The following B3GALT1 variants were observed in gnomAD, a reference collection of about 807,000 sequenced individuals.
B3GALT1 encodes the protein beta-1,3-galactosyltransferase 1, also known as UDP-Gal:betaGlcNAc beta 1,3-galactosyltransferase, polypeptide 1.
A neutral mutation model predicts 23.2 loss-of-function variants in B3GALT1; 10 were observed. That is an observed-to-expected ratio of 0.43 (90% confidence interval 0.27 to 0.73). The LOEUF (loss-of-function observed/expected upper bound fraction) is 0.73, where lower values mean the gene tolerates loss of function less well. Ranked by LOEUF, B3GALT1 falls within the 30% of genes least tolerant of loss-of-function variation. The pLI, the probability that B3GALT1 is intolerant of heterozygous loss-of-function variation, is 0.21. For synonymous variants in B3GALT1, 156 were observed against 141.5 expected (o/e 1.10, Z -0.73); for missense variants, 299 against 405.4 (o/e 0.74, Z 2.25).
At chr2:167,755,537 G>C (rs574354635) in intron 3 of B3GALT1, among the ~76,000 whole-genome samples, 6 of 149,638 alleles carry the variant, frequency 4.0e-5, no homozygotes, top group African/African-American at 7.3e-5. Flanking sequence ...ATATTTTGGA[G>C]GGAAAGGGAG....
intron 4 of B3GALT1, among the ~76,000 whole-genome samples, chr2:167,853,091 C>A (rs796868195): frequency 3.9e-5 from 6 of 152,266 alleles, no homozygotes; most frequent in African/African-American, 1.4e-4. Flanking sequence ...ACCTAAAATA[C>A]AATCAATTGT....
At chr2:167,561,642 GA>G (rs1558905807) in intron 2 of B3GALT1, among the ~76,000 whole-genome samples, 1 of 152,120 alleles carries the variant, frequency 6.6e-6, no homozygotes, top group Non-Finnish European at 1.5e-5. Flanking sequence ...CGATCCCACA[GA>G]AATAAAAACT....
chr2:167,482,394 G>T (rs542901756), intron 1 of B3GALT1, among the ~76,000 whole-genome samples: 1 of 152,286 alleles, frequency 6.6e-6, no homozygotes, highest in South Asian at 2.1e-4. Context: ...AGATGATCAT[G>T]AGATTAAAAT....
chr2:167,417,602 G>A (rs1362891649), intron 1 of B3GALT1, among the ~76,000 whole-genome samples: 1 of 152,210 alleles, frequency 6.6e-6, no homozygotes, highest in African/African-American at 2.4e-5. Context: ...TTCTTAAGAA[G>A]TAGTTAAAGG....
chr2:167,339,234 T>C, intron 1 of B3GALT1, among the ~76,000 whole-genome samples: 1 of 152,100 alleles, frequency 6.6e-6, no homozygotes, highest in East Asian at 1.9e-4. Context: ...ATAACAAAAA[T>C]TGTATATATC....
chr2:167,525,844 G>T (rs1467789978), intron 2 of B3GALT1, among the ~76,000 whole-genome samples: 1 of 151,288 alleles, frequency 6.6e-6, no homozygotes, highest in Non-Finnish European at 1.5e-5. Context: ...AAACTCCTCA[G>T]CTTAAGTCTT....
intron 3 of B3GALT1, among the ~76,000 whole-genome samples, chr2:167,730,256 G>GT (rs1687388618): frequency 1.3e-5 from 2 of 151,882 alleles, no homozygotes; most frequent in Non-Finnish European, 2.9e-5. Flanking sequence ...TTTTTTCAAG[G>GT]TTGAATGGCA....
chr2:167,821,053 C>T (rs1411600599), intron 4 of B3GALT1, among the ~76,000 whole-genome samples: 2 of 152,154 alleles, frequency 1.3e-5, no homozygotes, highest in Non-Finnish European at 2.9e-5. Context: ...AATCCTAATG[C>T]CTTCCCAAGA....
intron 2 of B3GALT1, among the ~76,000 whole-genome samples, chr2:167,581,182 T>C (rs963316854): frequency 1.6e-4 from 24 of 152,188 alleles, no homozygotes; most frequent in Admixed American, 1.6e-3. Context: ...ACATCATTGA[T>C]TGCATGCCAG....
chr2:167,815,836 A>T (rs1049520930), intron 3 of B3GALT1, among the ~76,000 whole-genome samples: 1 of 152,202 alleles, frequency 6.6e-6, no homozygotes, highest in Non-Finnish European at 1.5e-5. Flanking sequence ...AGTCTAAGCT[A>T]TTTCCCCAGA....
intron 1 of B3GALT1, among the ~76,000 whole-genome samples, chr2:167,337,150 AGTT>A (rs1375301885): frequency 1.3e-5 from 2 of 152,184 alleles, no homozygotes; most frequent in African/African-American, 4.8e-5. Context: ...TGGGATGTAA[AGTT>A]GTTCTTCAAT....
intron 3 of B3GALT1, among the ~76,000 whole-genome samples, chr2:167,760,164 A>C (rs1384349452): frequency 6.6e-6 from 1 of 152,188 alleles, no homozygotes. Context: ...AAAATTAAAC[A>C]CAAAACTATT....
At chr2:167,753,049 G>A (rs562533058) in intron 3 of B3GALT1, among the ~76,000 whole-genome samples, 24 of 152,288 alleles carry the variant, frequency 1.6e-4, no homozygotes, top group African/African-American at 5.8e-4. Context: ...CATGAATGGG[G>A]CAGCCCACCA....
chr2:167,495,588 C>A lies in B3GALT1; in HGVS notation c.-410+5311C>A, dbSNP rs140468053. Among the ~76,000 whole-genome samples, 465 of 152,244 alleles carry A rather than the reference C, an allele frequency of 3.1e-3. 3 individuals carry two copies. Among genetic ancestry groups the A allele is most frequent in the African/African-American group, 0.011 (443 of 41,548 alleles). On this transcript the variant is annotated intron_variant, in intron 2 of 4. Transcript: ENST00000392690. ...CCTCAGGTGATCTGCCCGCCTTGGC[C>A]TTCCAAAGTGCTGGGATTACAGGCG...
At chr2:167,489,528 C>T (rs1044947404) in intron 1 of B3GALT1, among the ~76,000 whole-genome samples, 11 of 152,138 alleles carry the variant, frequency 7.2e-5, no homozygotes, top group Non-Finnish European at 1.5e-4. Flanking sequence ...CCAAAGCCAG[C>T]TTATTTTCCT....
At chr2:167,655,798 A>C (rs749289646) in intron 3 of B3GALT1, among the ~76,000 whole-genome samples, 9 of 152,158 alleles carry the variant, frequency 5.9e-5, no homozygotes, top group Non-Finnish European at 1.2e-4. Flanking sequence ...GTACTGTTTT[A>C]TATTGTCTAG....
chr2:167,835,915 CAG>C (rs1689455833), intron 4 of B3GALT1, among the ~76,000 whole-genome samples: 1 of 152,202 alleles, frequency 6.6e-6, no homozygotes, highest in Non-Finnish European at 1.5e-5. Flanking sequence ...CCCAGGCAAA[CAG>C]GGTCTGGAGT....
At chr2:167,541,318 C>T (rs1683530828) in intron 2 of B3GALT1, among the ~76,000 whole-genome samples, 1 of 152,142 alleles carries the variant, frequency 6.6e-6, no homozygotes, top group Non-Finnish European at 1.5e-5. Context: ...CTTCTCCTCA[C>T]ATCTAAATAC....
intron 3 of B3GALT1, among the ~76,000 whole-genome samples, chr2:167,806,005 G>A (rs1330858182): frequency 5.3e-5 from 8 of 151,788 alleles, no homozygotes; most frequent in African/African-American, 1.9e-4. Flanking sequence ...TTATTTCCTC[G>A]AGCAGTGGTT....
Sources: allele counts gnomAD v4.1 joint callset (sites outside exome capture counted in the v4.1 genomes callset), GRCh38; gene constraint gnomAD v4.1.1; transcripts MANE v1.5; gene names NCBI Gene and HGNC (gene_info 2026-07-23, HGNC 2026-07-21).